Variants in TM9SF1 observed in about 807,000 individuals in gnomAD.
TM9SF1 encodes the protein MP70 protein family member.
A neutral mutation model predicts 52.4 loss-of-function variants in TM9SF1; 25 were observed. The observed-to-expected ratio is 0.48, with a 90% CI of 0.35 to 0.67. TM9SF1 has a LOEUF of 0.67. Among genes scored for constraint, TM9SF1 ranks in the 30% least tolerant of loss-of-function variants. TM9SF1 has a pLI of 0.01. For missense variants in TM9SF1, 604 were observed against 780.3 expected (o/e 0.77, Z 2.69); for synonymous variants, 284 against 299.8 (o/e 0.95, Z 0.55).
chr14:24,192,704 C>T lies in TM9SF1; in HGVS notation c.911G>A (p.Arg304His), dbSNP rs146632278. 1.7e-5 allele frequency: 27 copies of T among 1,609,608 alleles called. No homozygotes were observed. Among genetic ancestry groups the T allele is most frequent in the African/African-American group, 5.3e-5 (4 of 74,886 alleles). The change falls in exon 3 of 6, where the codon CGT becomes CAT. Residue 304 changes from arginine (R) to histidine (H), a missense_variant. Transcript: ENST00000261789. The surrounding 1 kb of genome is among the most constrained non-coding windows in gnomAD (Gnocchi z 4.0). ...GCCAAGCACAGCACAGAGCAGACCA[C>T]GGTATGGGGGGAAGCGGAAGACATC... The part of the protein sequence containing the change: ...HTDVFRFPPY[R>H]GLLCAVLGVG...
rs1248750935 is a variant in TM9SF1 at position 24,195,339 on chromosome 14, TC to T, written c.-18+6del. ...GTCCCTTCCCGCCACAGCCCCGGGGTCCTCACCGCGCGGGAAGGGCTGGCCG... is the reference window on the plus strand; with the variant it reads ...GTCCCTTCCCGCCACAGCCCCGGGGTCTCACCGCGCGGGAAGGGCTGGCCG... On this transcript the variant is annotated splice_donor_region_variant and intron_variant, in intron 1 of 5. Transcript: ENST00000261789. 1 of 289,208 alleles carries T rather than the reference TC, an allele frequency of 3.5e-6. No homozygotes were observed. The highest frequency in any genetic ancestry group is 6.6e-6 in the Non-Finnish European group (1 of 151,928). 17.9% of individuals were successfully genotyped at this position (289,208 alleles called of 1,614,324 possible).
In TM9SF1 at chr14:24,192,040, G is replaced by T. The variant is rs1196394525; in HGVS notation, c.1153+131C>A. 12 of 897,840 alleles carry T rather than the reference G, an allele frequency of 1.3e-5. No individual in the cohort carries two copies. The highest frequency in any genetic ancestry group is 5.9e-5 in the Admixed American group (3 of 50,556). 55.6% of individuals were successfully genotyped at this position (897,840 alleles called of 1,614,324 possible). A position where few individuals can be genotyped will look rare whatever the true frequency, so the allele number is the denominator to read the frequency against. The stretch of plus-strand genomic sequence containing the variant: ...TTGTCTAGGCTTGTCTCAAACTTTT[G>T]GGCTCAAGTGATCCTCCGGCCTCGG... On this transcript the variant is annotated intron_variant, in intron 4 of 5. Transcript: ENST00000261789. The surrounding 1 kb of genome is among the most constrained non-coding windows in gnomAD (Gnocchi z 4.0).
intron 5 of TM9SF1, chr14:24,190,049 C>A: frequency 7.4e-7 from 1 of 1,357,824 alleles, no homozygotes; most frequent in Non-Finnish European, 9.4e-7. Context: ...CCATTTTATT[C>A]CACTTTATTC....
At position 24,194,063 on chromosome 14, in the gene TM9SF1, C is replaced by A. The variant is rs1046768135; in HGVS notation, c.345+612G>T. 2.0e-5 allele frequency among the ~76,000 whole-genome samples: 3 copies of A among 152,078 alleles called. No homozygotes were observed. In the East Asian group the frequency reaches 5.8e-4, roughly 29 times the overall value. On this transcript the variant is annotated intron_variant, in intron 2 of 5. Coordinates refer to ENST00000261789, the MANE Select transcript of TM9SF1 (RefSeq NM_006405.7). ...TCTTCCCATTCTATGCTGGTAGTACCCCCCCAGCTGTAACAACAAAAAATG... is the reference window on the plus strand; with the variant it reads ...TCTTCCCATTCTATGCTGGTAGTACACCCCCAGCTGTAACAACAAAAAATG...
At chr14:24,191,199 A>C (rs1484628206) in intron 4 of TM9SF1, among the ~76,000 whole-genome samples, 4 of 151,942 alleles carry the variant, frequency 2.6e-5, no homozygotes, top group Non-Finnish European at 5.9e-5. Context: ...CCATCCCCCA[A>C]CCCGGTGTCA....
In TM9SF1 at chr14:24,189,183, A is replaced by G; in HGVS notation, c.*232T>C. Reference sequence around the variant, plus strand: ...ATAAATTTTATTTTGGTAATTGTAAAAAGAAAAATCAGGACCAAAACTAAA... The same window carrying G: ...ATAAATTTTATTTTGGTAATTGTAAGAAGAAAAATCAGGACCAAAACTAAA... On this transcript the variant is annotated 3_prime_UTR_variant, in exon 6 of 6. Transcript: ENST00000261789. The G allele has an allele frequency of 2.1e-6, 1 of 482,196 alleles. No individual in the cohort carries two copies. The highest frequency in any genetic ancestry group is 3.6e-6 in the Non-Finnish European group (1 of 277,996). The allele number at this position is 482,196 out of a possible 1,614,324, so 29.9% of individuals were successfully genotyped here.
Position 24,192,621 on chromosome 14 carries a change from A to G in TM9SF1, c.967+27T>C, listed in dbSNP as rs748222066. 4 of 1,534,752 alleles carry G rather than the reference A, an allele frequency of 2.6e-6. No homozygotes were observed. In the South Asian group the frequency reaches 3.9e-5, roughly 15 times the overall value. The stretch of plus-strand genomic sequence containing the variant: ...TACCTAGTTCTATCCCATGAGATAA[A>G]TCCCCAATTCATTTTTATCACCTCA... On this transcript the variant is annotated intron_variant, in intron 3 of 5. Coordinates refer to ENST00000261789, the MANE Select transcript of TM9SF1 (RefSeq NM_006405.7). The surrounding 1 kb of genome is among the most constrained non-coding windows in gnomAD (Gnocchi z 4.0).
At chr14:24,193,504 T>C (rs2039354321) in intron 2 of TM9SF1, among the ~76,000 whole-genome samples, 1 of 151,550 alleles carries the variant, frequency 6.6e-6, no homozygotes, top group African/African-American at 2.4e-5. Context: ...GTAGCTGGGA[T>C]TACAGGCGCC....
At chr14:24,193,371 A>G (rs2039352605) in intron 2 of TM9SF1, 102 bp from the exon 3 acceptor site, 7 of 1,356,468 alleles carry the variant, frequency 5.2e-6, no homozygotes, top group Non-Finnish European at 6.0e-6. Flanking sequence ...TGGGGTGGAT[A>G]ATTCTTTTTT....
In TM9SF1 at chr14:24,189,314, A is replaced by G; in HGVS notation, c.*101T>C. 27 of 1,332,542 alleles carry G rather than the reference A, an allele frequency of 2.0e-5. No individual in the cohort carries two copies. Among genetic ancestry groups the G allele is most frequent in the Non-Finnish European group, 2.7e-5 (26 of 977,928 alleles). The allele number at this position is 1,332,542 out of a possible 1,614,324, so 82.5% of individuals were successfully genotyped here. A position where few individuals can be genotyped will look rare whatever the true frequency, so the allele number is the denominator to read the frequency against. ...CCAAAGGGCAAAAGGGAAGGCAACA[A>G]TGCCATCACACAATTCAGTCAATCA... is the stretch of plus-strand genomic sequence containing the variant. On this transcript the variant is annotated 3_prime_UTR_variant, in exon 6 of 6. Coordinates refer to ENST00000261789, the MANE Select transcript of TM9SF1 (RefSeq NM_006405.7).
rs1247383644 is a variant in TM9SF1, at chr14:24,194,921, C to T, written c.99G>A (p.Val33=). The T allele has an allele frequency of 6.2e-7, 1 of 1,614,198 alleles. No homozygotes were observed. The highest frequency in any genetic ancestry group is 1.1e-5 in the South Asian group (1 of 91,084). Residue 33 remains valine, a synonymous_variant, in exon 2 of 6, where the codon GTG becomes GTA. Transcript: ENST00000261789. ...GTGHGPGVEG[V]THYKAGDPVI... ...CAGGGTCGCCGGCCTTGTAGTGTGT[C>T]ACGCCTTCCACCCCTGGCCCATGGC...
intron 2 of TM9SF1, 28 bp from the exon 3 acceptor site, chr14:24,193,297 A>C (rs1260591514): frequency 6.4e-7 from 1 of 1,559,486 alleles, no homozygotes; most frequent in African/African-American, 1.4e-5. Flanking sequence ...GGAGTTGGTC[A>C]CACAAGATCT....
intron 4 of TM9SF1, among the ~76,000 whole-genome samples, chr14:24,191,230 T>G (rs1566648547): frequency 6.6e-6 from 1 of 152,196 alleles, no homozygotes; most frequent in Admixed American, 6.5e-5. Context: ...AGGTAGCTAC[T>G]ACATAATCTG....
rs574689326 is a variant in TM9SF1, at chr14:24,191,158, C to G, written c.1154-505G>C. On this transcript the variant is annotated intron_variant, in intron 4 of 5. Coordinates refer to ENST00000261789, the MANE Select transcript of TM9SF1 (RefSeq NM_006405.7). ...GGGATTACAGGCATGAGCCACCACA[C>G]CCGGACTCTTTGCTCTTTATCTTAC... 2.6e-5 allele frequency among the ~76,000 whole-genome samples: 4 copies of G among 152,282 alleles called. No individual in the cohort carries two copies. In the East Asian group the frequency reaches 5.8e-4, roughly 22 times the overall value.
chr14:24,194,763 TC>T lies in TM9SF1; in HGVS notation c.256del (p.Asp86ThrfsTer48). ...CTCATACAAAGACTCAGCCATTCGG[TC>T]CCCATCCAGCACTTCACCCAGGCTA... is the stretch of plus-strand genomic sequence containing the variant. ...SLSLGEVLDGDRMAESLYEIR... is the reference protein window; with the variant it reads ...SLSLGEVLDGXRMAESLYEIR... On this transcript the variant is annotated frameshift_variant, in exon 2 of 6. Coordinates refer to ENST00000261789, the MANE Select transcript of TM9SF1 (RefSeq NM_006405.7). LOFTEE classifies it high-confidence loss of function. 1 of 1,614,236 alleles carries T rather than the reference TC, an allele frequency of 6.2e-7. No homozygotes were observed. Among genetic ancestry groups the T allele is most frequent in the East Asian group, 2.2e-5 (1 of 44,888 alleles).
chr14:24,191,643 A>G (rs2039324212), intron 4 of TM9SF1: 1 of 153,512 alleles, frequency 6.5e-6, no homozygotes, highest in Non-Finnish European at 1.5e-5. Context: ...CCTACTTCAC[A>G]CAGTTATTGC....
intron 4 of TM9SF1, among the ~76,000 whole-genome samples, 198 bp from the exon 5 acceptor site, chr14:24,190,851 G>GT (rs150852398): frequency 0.033 from 2,161 of 65,448 alleles, 555 homozygotes; most frequent in African/African-American, 0.12. Context: ...TTTGTTCTGT[G>GT]TTTTTTTTTT....
rs201228274 is a variant in TM9SF1 at position 24,189,383 on chromosome 14, G to GA, written c.*31dup. On this transcript the variant is annotated 3_prime_UTR_variant, in exon 6 of 6. Coordinates refer to ENST00000261789, the MANE Select transcript of TM9SF1 (RefSeq NM_006405.7). ...GAGTTCAACAGGGCATGAAGAAAGG[G>GA]AGAGAACAGCAATAGTTCTGCCATA... 3.7e-3 allele frequency: 5,815 copies of GA among 1,581,164 alleles called. 114 individuals carry two copies. The African/African-American group carries it at 0.051, about 14-fold the overall frequency.
intron 2 of TM9SF1, among the ~76,000 whole-genome samples, chr14:24,193,775 C>T (rs1211683002): frequency 2.0e-5 from 3 of 151,642 alleles, no homozygotes; most frequent in East Asian, 4.0e-4. Context: ...AAAAAATTAG[C>T]TGGGCGTGGT....
Sources: allele counts gnomAD v4.1 joint callset (sites outside exome capture counted in the v4.1 genomes callset), GRCh38; gene constraint gnomAD v4.1.1; non-coding constraint Gnocchi (gnomAD v3.1); transcripts MANE v1.5; gene names NCBI Gene and HGNC (gene_info 2026-07-23, HGNC 2026-07-21).